Variants in OR9Q1 observed in about 807,000 individuals in gnomAD.
OR9Q1 encodes the protein olfactory receptor family 9 subfamily Q member 1, also known as olfactory receptor 9Q1.
For synonymous variants in OR9Q1, 153 were observed against 148.6 expected, an observed-to-expected ratio of 1.03 and a Z score of -0.22; for missense variants, 374 against 378.8, an observed-to-expected ratio of 0.99 and a Z score of 0.11.
chr11:58,126,823 C>T (rs938734804), intron 2 of OR9Q1, among the ~76,000 whole-genome samples: 4 of 152,046 alleles, frequency 2.6e-5, no homozygotes, highest in African/African-American at 9.7e-5. Flanking sequence ...TTCAACATCC[C>T]CTGGGGAACT....
intron 2 of OR9Q1, chr11:58,078,522 A>G (rs1853560867): frequency 6.6e-6 from 1 of 152,228 alleles, no homozygotes; most frequent in Non-Finnish European, 1.5e-5. Context: ...CAACTGAGAA[A>G]CACTAAGAAC....
intron 2 of OR9Q1, among the ~76,000 whole-genome samples, chr11:58,080,362 T>C (rs1219482352): frequency 1.3e-5 from 2 of 152,282 alleles, no homozygotes; most frequent in African/African-American, 4.8e-5. Flanking sequence ...ATGGTGCATA[T>C]GTACCACATT....
At chr11:58,085,956 C>A (rs1000600210) in intron 2 of OR9Q1, among the ~76,000 whole-genome samples, 2 of 151,730 alleles carry the variant, frequency 1.3e-5, no homozygotes, top group Non-Finnish European at 1.5e-5. Context: ...GAGTGGAGAC[C>A]AACACCCAGG....
intron 2 of OR9Q1, among the ~76,000 whole-genome samples, chr11:58,158,785 T>A (rs975024284): frequency 6.6e-6 from 1 of 152,186 alleles, no homozygotes; most frequent in Non-Finnish European, 1.5e-5. Context: ...GGACTTGTAC[T>A]ATATACAATT....
chr11:58,029,005 G>C (rs1038778117), intron 1 of OR9Q1, among the ~76,000 whole-genome samples: 2 of 152,086 alleles, frequency 1.3e-5, no homozygotes, highest in African/African-American at 2.4e-5. Context: ...TTCTCCAAAG[G>C]GTCAGAAATA....
intron 2 of OR9Q1, among the ~76,000 whole-genome samples, chr11:58,112,968 G>T (rs1180932762): frequency 6.6e-6 from 1 of 152,084 alleles, no homozygotes; most frequent in South Asian, 2.1e-4. Flanking sequence ...AGAGACCCAG[G>T]ACTTATGGAC....
chr11:58,064,245 C>T (rs141440004), intron 2 of OR9Q1, among the ~76,000 whole-genome samples: 118 of 152,288 alleles, frequency 7.7e-4, no homozygotes, highest in African/African-American at 2.3e-3. Context: ...GAAAGATAGC[C>T]GCAAACCAGC....
intron 2 of OR9Q1, among the ~76,000 whole-genome samples, chr11:58,167,930 G>A (rs1013059700): frequency 6.6e-6 from 1 of 152,150 alleles, no homozygotes; most frequent in African/African-American, 2.4e-5. Context: ...CAAGGGTGGG[G>A]AAATAGACTC....
At chr11:58,158,382 G>T (rs1476280038) in intron 2 of OR9Q1, among the ~76,000 whole-genome samples, 1 of 149,846 alleles carries the variant, frequency 6.7e-6, no homozygotes, top group African/African-American at 2.5e-5. Flanking sequence ...TTCAAATAAG[G>T]TCTGGGTCAT....
chr11:58,150,685 TA>T (rs528760621), intron 2 of OR9Q1, among the ~76,000 whole-genome samples: 254 of 152,340 alleles, frequency 1.7e-3, no homozygotes, highest in African/African-American at 6.0e-3. Flanking sequence ...CTATCAGCTA[TA>T]TAAAACTATA....
rs1565062063 is a variant in OR9Q1 at position 58,053,614 on chromosome 11, T to TATATATAAA, written c.-92-2249_-92-2248insAAATATATA. ...AAAGTATAATAATAAAATTAAAAAA[T>TATATATAAA]ATATATATATATAAAATATATATAT... On this transcript the variant is annotated intron_variant, in intron 1 of 2. Coordinates refer to ENST00000335397, the MANE Select transcript of OR9Q1 (RefSeq NM_001005212.4). 3.3e-3 allele frequency among the ~76,000 whole-genome samples: 347 copies of TATATATAAA among 103,996 alleles called. 5 individuals are homozygous for TATATATAAA. Among genetic ancestry groups the TATATATAAA allele is most frequent in the African/African-American group, 0.011 (336 of 30,810 alleles). 68.2% of individuals were successfully genotyped at this position (103,996 alleles called of 152,430 possible).
At chr11:58,066,524 T>G (rs1160205634) in intron 2 of OR9Q1, among the ~76,000 whole-genome samples, 3 of 152,282 alleles carry the variant, frequency 2.0e-5, no homozygotes, top group Non-Finnish European at 4.4e-5. Context: ...TCTCAGCCTT[T>G]GCCTTACATG....
chr11:58,086,817 A>C (rs1281359613), intron 2 of OR9Q1, among the ~76,000 whole-genome samples: 3 of 151,926 alleles, frequency 2.0e-5, no homozygotes, highest in African/African-American at 7.3e-5. Context: ...ATAGAAATAG[A>C]GAGTAGAATA....
intron 2 of OR9Q1, among the ~76,000 whole-genome samples, chr11:58,114,723 G>A (rs1473243513): frequency 6.6e-6 from 1 of 152,188 alleles, no homozygotes; most frequent in Non-Finnish European, 1.5e-5. Context: ...TTAGATTGGT[G>A]CAAAATTAAT....
chr11:58,034,805 C>CCTTT lies in OR9Q1; in HGVS notation c.-93+10704_-93+10705insTCTT, dbSNP rs1320685492. On this transcript the variant is annotated intron_variant, in intron 1 of 2. Transcript: ENST00000335397. ...TCCCTCCTTTCTCCCTTCCTTCCTTCCTTCCTTCCTTCCTTCCTTGCTTCC... is the reference window on the plus strand; with the variant it reads ...TCCCTCCTTTCTCCCTTCCTTCCTTCCTTTCTTCCTTCCTTCCTTCCTTGCTTCC... Among the ~76,000 whole-genome samples, 104 of 131,682 alleles carry CCTTT rather than the reference C, an allele frequency of 7.9e-4. 1 individual carries two copies. The highest frequency in any genetic ancestry group is 2.8e-3 in the African/African-American group (93 of 33,788). 86.4% of individuals were successfully genotyped at this position (131,682 alleles called of 152,430 possible).
intron 2 of OR9Q1, chr11:58,078,208 A>C (rs116677028): frequency 0.037 from 5,642 of 152,380 alleles, 128 homozygotes; most frequent in Middle Eastern, 0.098. Context: ...ACCAAAAAAA[A>C]ACCCCAACAT....
intron 1 of OR9Q1, among the ~76,000 whole-genome samples, chr11:58,032,231 A>G (rs1397881843): frequency 1.3e-5 from 2 of 152,180 alleles, no homozygotes; most frequent in African/African-American, 4.8e-5. Context: ...TATCAATGTC[A>G]TTTTTCACAG....
intron 2 of OR9Q1, among the ~76,000 whole-genome samples, chr11:58,142,966 CG>C (rs2119873068): frequency 6.6e-6 from 1 of 152,136 alleles, no homozygotes; most frequent in African/African-American, 2.4e-5. Context: ...GAGGAAGAGG[CG>C]ACTTGGCAGG....
intron 2 of OR9Q1, among the ~76,000 whole-genome samples, chr11:58,104,697 G>A (rs1853823334): frequency 6.6e-6 from 1 of 152,230 alleles, no homozygotes; most frequent in Admixed American, 6.5e-5. Context: ...AGTGAGGCAG[G>A]ACTATGTGAC....
Sources: allele counts gnomAD v4.1 joint callset (sites outside exome capture counted in the v4.1 genomes callset), GRCh38; gene constraint gnomAD v4.1.1; transcripts MANE v1.5; gene names NCBI Gene and HGNC (gene_info 2026-07-23, HGNC 2026-07-21).